Variants in SYNC observed in about 807,000 individuals in gnomAD.
SYNC encodes syncoilin.
In SYNC, 38 loss-of-function variants were observed where a neutral mutation model predicts 49.5. That is an observed-to-expected ratio of 0.77 (90% CI 0.59 to 1.01). The LOEUF is 1.01. Among genes scored for constraint, SYNC ranks in the 50% least tolerant of loss-of-function variants. The pLI, the probability that SYNC is intolerant of heterozygous loss-of-function variation, is 0.00. For synonymous variants in SYNC, 201 were observed against 230.8 expected (o/e 0.87, Z 1.17); for missense variants, 579 against 580.6 (o/e 1.00, Z 0.03).
chr1:32,695,089 G>C lies in SYNC; in HGVS notation c.1009C>G (p.Gln337Glu). The C allele has an allele frequency of 6.2e-7, 1 of 1,613,358 alleles. No homozygotes were observed. Among genetic ancestry groups the C allele is most frequent in the Non-Finnish European group, 8.5e-7 (1 of 1,179,926 alleles). ...QFENLMAESR[Q>E]DLEEEYEPQF... ...GGCTCATACTCCTCCTCCAGGTCCT[G>C]GCGGCTCTCTGCCATGAGATTTTCA... Residue 337 changes from glutamine (Q) to glutamate (E), a missense_variant, in exon 2 of 5, where the codon CAG (glutamine) becomes GAG (glutamate). Coordinates refer to ENST00000409190, the MANE Select transcript of SYNC (RefSeq NM_030786.3).
chr1:32,695,151 T>A lies in SYNC; in HGVS notation c.947A>T (p.His316Leu). Residue 316 changes from histidine to leucine, a missense_variant, in exon 2 of 5, where the codon CAC becomes CTC. Physicochemically the swap from His to Leu is moderately conservative, Grantham distance 99 (BLOSUM62 -3). Coordinates refer to ENST00000409190, the MANE Select transcript of SYNC (RefSeq NM_030786.3). ...GAGTCGCCGGCTTTCCTGGAGAAAG[T>A]GCCCATCCCTCTGGCTTGGAGGGGC... Reference protein sequence around the residue: ...LEAPPSQRDGHFLQESRRLSA... With the variant: ...LEAPPSQRDGLFLQESRRLSA... 6.2e-7 allele frequency: 1 copy of A among 1,601,808 alleles called. No individual in the cohort carries two copies. The highest frequency in any genetic ancestry group is 8.5e-7 in the Non-Finnish European group (1 of 1,174,158).
intron 2 of SYNC, among the ~76,000 whole-genome samples, chr1:32,686,565 G>T (rs959144888): frequency 3.2e-4 from 49 of 152,208 alleles, no homozygotes; most frequent in African/African-American, 1.2e-3. Context: ...AGGTGCTGTG[G>T]AAACAGGAGG....
intron 2 of SYNC, among the ~76,000 whole-genome samples, chr1:32,687,692 T>A (rs1463384943): frequency 6.6e-6 from 1 of 150,738 alleles, no homozygotes; most frequent in African/African-American, 2.4e-5. Flanking sequence ...GAAAAAAATG[T>A]TTAGTCCCAG....
At chr1:32,682,218 A>C in intron 4 of SYNC, 1 of 228,124 alleles carries the variant, frequency 4.4e-6, no homozygotes. Context: ...AATTTCTCAA[A>C]CATTAAGCAT....
chr1:32,697,133 T>C (rs1042993693), intron 1 of SYNC, among the ~76,000 whole-genome samples: 2 of 152,052 alleles, frequency 1.3e-5, no homozygotes, highest in East Asian at 1.9e-4. Flanking sequence ...GTGTAAGTTA[T>C]CTAAACACTT....
chr1:32,691,137 G>GAA (rs1168809153), intron 2 of SYNC, among the ~76,000 whole-genome samples: 1 of 151,850 alleles, frequency 6.6e-6, no homozygotes, highest in African/African-American at 2.4e-5. Flanking sequence ...AAAATCGCTT[G>GAA]AACCCAGGAG....
intron 1 of SYNC, among the ~76,000 whole-genome samples, chr1:32,700,552 C>G (rs566510014): frequency 6.6e-6 from 1 of 152,004 alleles, no homozygotes; most frequent in Non-Finnish European, 1.5e-5. Flanking sequence ...AAACGATTAG[C>G]TGGGTATGGT....
chr1:32,687,855 A>ATTATTATTATTATTATTATTTTTTT (rs71006359), intron 2 of SYNC, among the ~76,000 whole-genome samples: 8 of 135,516 alleles, frequency 5.9e-5, no homozygotes, highest in African/African-American at 2.2e-4. Context: ...TATTATTATT[A>ATTATTATTATTATTATTATTTTTTT]TTATTATTTT....
chr1:32,693,332 C>T (rs1650258448), intron 2 of SYNC, among the ~76,000 whole-genome samples: 1 of 152,164 alleles, frequency 6.6e-6, no homozygotes, highest in South Asian at 2.1e-4. Context: ...CCACCCACCT[C>T]AGCCTCCCAA....
chr1:32,689,568 A>G (rs1650058919), intron 2 of SYNC, among the ~76,000 whole-genome samples: 1 of 151,926 alleles, frequency 6.6e-6, no homozygotes, highest in South Asian at 2.1e-4. Flanking sequence ...GCACTTAGAA[A>G]CTGTTGAATT....
Position 32,679,974 on chromosome 1 carries a change from G to A in SYNC, c.*1876C>T. 7 of 1,217,786 alleles carry A rather than the reference G, an allele frequency of 5.7e-6. No individual in the cohort carries two copies. Among genetic ancestry groups the A allele is most frequent in the Non-Finnish European group, 7.2e-6 (7 of 978,150 alleles). 75.4% of individuals were successfully genotyped at this position (1,217,786 alleles called of 1,614,324 possible). A position where few individuals can be genotyped will look rare whatever the true frequency, so the allele number is the denominator to read the frequency against. ...GTAGCTACAGAAAGGGGAATATTAT[G>A]TGTGATTATTTTTCTTCTTATGCTA... On this transcript the variant is annotated 3_prime_UTR_variant, in exon 5 of 5. Coordinates refer to ENST00000409190, the MANE Select transcript of SYNC (RefSeq NM_030786.3).
intron 4 of SYNC, chr1:32,682,375 G>C (rs569320635): frequency 6.6e-6 from 1 of 152,208 alleles, no homozygotes; most frequent in African/African-American, 2.4e-5. Flanking sequence ...AGCCAAGATC[G>C]TGCCACTACT....
chr1:32,700,933 G>T (rs373403579), intron 1 of SYNC, among the ~76,000 whole-genome samples: 5,911 of 146,436 alleles, frequency 0.04, 226 homozygotes, highest in East Asian at 0.12. Context: ...TTTTTTTTTT[G>T]AGATGGAGTT....
intron 1 of SYNC, among the ~76,000 whole-genome samples, chr1:32,699,361 C>T (rs1174627793): frequency 6.6e-6 from 1 of 151,410 alleles, no homozygotes; most frequent in Non-Finnish European, 1.5e-5. Flanking sequence ...ACCATGTTGG[C>T]CAGGATGGTC....
intron 2 of SYNC, 59 bp from the exon 3 acceptor site, chr1:32,684,441 C>T: frequency 3.1e-6 from 5 of 1,609,602 alleles, no homozygotes; most frequent in Non-Finnish European, 4.2e-6. Flanking sequence ...TCACATTGTC[C>T]ACTCTTACTT....
chr1:32,680,777 T>C lies in SYNC; in HGVS notation c.*1073A>G, dbSNP rs1461503866. On this transcript the variant is annotated 3_prime_UTR_variant, in exon 5 of 5. Coordinates refer to ENST00000409190, the MANE Select transcript of SYNC (RefSeq NM_030786.3). ...TTTGACTATCAAGAGCAGAATTAAATGTAATAGTCCCAGAGCTGTAGAAAA... is the reference window on the plus strand; with the variant it reads ...TTTGACTATCAAGAGCAGAATTAAACGTAATAGTCCCAGAGCTGTAGAAAA... 2 of 488,610 alleles carry C rather than the reference T, an allele frequency of 4.1e-6. No homozygotes were observed. Among genetic ancestry groups the C allele is most frequent in the Non-Finnish European group, 7.3e-6 (2 of 272,164 alleles). The allele number at this position is 488,610 out of a possible 1,614,324, so 30.3% of individuals were successfully genotyped here. A position where few individuals can be genotyped will look rare whatever the true frequency, so the allele number is the denominator to read the frequency against.
chr1:32,702,423 G>C lies in SYNC; in HGVS notation c.53+185C>G, dbSNP rs1047359004. ...TTATAAAAAGCCACAGACAAACGGA[G>C]GTGCCAGGACCCCGGGACGGCCCGA... On this transcript the variant is annotated intron_variant, in intron 1 of 4. Transcript: ENST00000409190. This position sits in a 1 kb window ranked among gnomAD's most constrained non-coding sequence, Gnocchi z 6.2. Among the ~76,000 whole-genome samples, 3 of 152,162 alleles carry C rather than the reference G, an allele frequency of 2.0e-5. No individual in the cohort carries two copies. The highest frequency in any genetic ancestry group is 7.2e-5 in the African/African-American group (3 of 41,454).
chr1:32,682,657 G>A (rs1243431580), intron 4 of SYNC: 2 of 151,992 alleles, frequency 1.3e-5, no homozygotes, highest in Non-Finnish European at 2.9e-5. Flanking sequence ...TGTAGTCCCA[G>A]CTACTCAGGA....
At chr1:32,699,150 TTTC>T (rs1650567437) in intron 1 of SYNC, among the ~76,000 whole-genome samples, 2 of 74,140 alleles carry the variant, frequency 2.7e-5, no homozygotes, top group African/African-American at 4.7e-5. Flanking sequence ...TGACTTTTCT[TTTC>T]TTTTTTTTTT....
Sources: allele counts gnomAD v4.1 joint callset (sites outside exome capture counted in the v4.1 genomes callset), GRCh38; gene constraint gnomAD v4.1.1; non-coding constraint Gnocchi (gnomAD v3.1); transcripts MANE v1.5; gene names NCBI Gene and HGNC (gene_info 2026-07-23, HGNC 2026-07-21).